DMXL1: variants seen among roughly 807,000 people sequenced by gnomAD.
DMXL1 encodes dmX-like protein 1.
DMXL1 carries 99 observed loss-of-function variants against 319.2 expected under a neutral mutation model. The ratio of observed to expected loss-of-function variants is 0.31; its 90% CI spans 0.26 to 0.37. The LOEUF is 0.37. Ranked by LOEUF, DMXL1 falls within the 10% of genes least tolerant of loss-of-function variation. DMXL1 has a pLI of 1.00. For synonymous variants in DMXL1, 1,385 were observed against 1,235.2 expected (o/e 1.12, Z -2.54); for missense variants, 3,745 against 3,595.6 (o/e 1.04, Z -1.06).
chr5:119,140,818 A>G lies in DMXL1; in HGVS notation c.2377-3023A>G, dbSNP rs574583600. Reference sequence around the variant, plus strand: ...CACACACACACAAAAAGAAAACTTTAGCCCAATATCCTCTATGAATATCAA... The same window carrying G: ...CACACACACACAAAAAGAAAACTTTGGCCCAATATCCTCTATGAATATCAA... On this transcript the variant is annotated intron_variant, in intron 13 of 43. Coordinates refer to ENST00000539542, the MANE Select transcript of DMXL1 (RefSeq NM_001290321.3). Among the ~76,000 whole-genome samples, 9 of 152,294 alleles carry G rather than the reference A, an allele frequency of 5.9e-5. No individual in the cohort carries two copies. In the South Asian group the frequency reaches 1.9e-3, roughly 32 times the overall value.
chr5:119,094,981 G>T (rs1755607382), intron 1 of DMXL1, among the ~76,000 whole-genome samples: 1 of 151,694 alleles, frequency 6.6e-6, no homozygotes, highest in Non-Finnish European at 1.5e-5. Context: ...TCAGCCTTTT[G>T]GGTAGCTGGG....
intron 19 of DMXL1, among the ~76,000 whole-genome samples, chr5:119,159,876 C>T (rs1771908782): frequency 2.0e-5 from 3 of 152,098 alleles, no homozygotes; most frequent in Non-Finnish European, 4.4e-5. Flanking sequence ...TGCCTGCCTC[C>T]GTCTTCTAAA....
In DMXL1 at chr5:119,171,797, T is replaced by C. The variant is rs1220585333; in HGVS notation, c.6509T>C (p.Phe2170Ser). Reference sequence around the variant, plus strand: ...TTTAAGGAAACATCAGAACCACTATTTTCTAGCCCTCTGTCAGAGCAAACC... The same window carrying C: ...TTTAAGGAAACATCAGAACCACTATCTTCTAGCCCTCTGTCAGAGCAAACC... ...ESQQETSEPL[F>S]SSPLSEQTSV... Residue 2170 changes from phenylalanine (F) to serine (S), a missense_variant, in exon 25 of 44, where the codon TTT (phenylalanine) becomes TCT (serine). Physicochemically the swap from Phe to Ser is radical, Grantham distance 155 (BLOSUM62 -2). Around this residue, in one of 4 missense-constraint regions of DMXL1, gnomAD observed 1,382 missense variants for 1,269.5 expected, o/e 1.09. Coordinates refer to ENST00000539542, the MANE Select transcript of DMXL1 (RefSeq NM_001290321.3). 1 of 1,611,850 alleles carries C rather than the reference T, an allele frequency of 6.2e-7. No homozygotes were observed. Among genetic ancestry groups the C allele is most frequent in the South Asian group, 1.1e-5 (1 of 90,648 alleles).
In DMXL1 at chr5:119,143,833, A is replaced by C; in HGVS notation, c.2377-8A>C. ...TTAGTAAATTATAAATTTTTTTAAA[A>C]AAAACAGAAATATGTTGGTGAAGTC... On this transcript the variant is annotated splice_region_variant and splice_polypyrimidine_tract_variant and intron_variant, in intron 13 of 43. Transcript: ENST00000539542. 1 of 1,553,688 alleles carries C rather than the reference A, an allele frequency of 6.4e-7. No homozygotes were observed. Among genetic ancestry groups the C allele is most frequent in the East Asian group, 2.3e-5 (1 of 43,174 alleles).
chr5:119,114,431 T>G (rs201965924), intron 5 of DMXL1, 44 bp from the exon 6 acceptor site: 5 of 1,399,376 alleles, frequency 3.6e-6, no homozygotes, highest in Non-Finnish European at 5.0e-6. Flanking sequence ...ACTTTTTCTT[T>G]TTAGTTTTCA....
At position 119,116,201 on chromosome 5, in the gene DMXL1, G is replaced by A. The variant is rs149368675; in HGVS notation, c.608G>A (p.Arg203Gln). ...LKVWYNVENW[R>Q]TAVTSPDGSS... ...GTTTGGTATAATGTAGAAAACTGGC[G>A]GACAGCTGTTACTTCTCCAGATGGA... is the stretch of plus-strand genomic sequence containing the variant. Residue 203 changes from arginine (R) to glutamine (Q), a missense_variant, in exon 7 of 44, where the codon CGG (arginine) becomes CAG (glutamine). Around this residue, in one of 4 missense-constraint regions of DMXL1, gnomAD observed 2,096 missense variants for 1,985.4 expected, o/e 1.06. Coordinates refer to ENST00000539542, the MANE Select transcript of DMXL1 (RefSeq NM_001290321.3). 4.0e-4 allele frequency: 644 copies of A among 1,613,336 alleles called. 3 individuals are homozygous for A. The highest frequency in any genetic ancestry group is 6.5e-4 in the African/African-American group (49 of 74,918).
Position 119,133,834 on chromosome 5 carries a change from G to A in DMXL1, c.1910G>A (p.Arg637His), listed in dbSNP as rs1214512553. 3.1e-6 allele frequency: 5 copies of A among 1,613,900 alleles called. No individual in the cohort carries two copies. Among genetic ancestry groups the A allele is most frequent in the East Asian group, 4.5e-5 (2 of 44,888 alleles). Residue 637 changes from arginine (R) to histidine (H), a missense_variant, in exon 12 of 44, where the codon CGT (arginine) becomes CAT (histidine). By Grantham distance (29) the Arg-to-His change is conservative. Around this residue, in one of 4 missense-constraint regions of DMXL1, gnomAD observed 2,096 missense variants for 1,985.4 expected, o/e 1.06. Coordinates refer to ENST00000539542, the MANE Select transcript of DMXL1 (RefSeq NM_001290321.3). ...ISHKSRYCGH[R>H]FHLNDLACHS... ...CACAAATCCAGATATTGTGGTCATC[G>A]TTTTCATCTTAATGATTTAGCTTGC...
chr5:119,247,295 C>G lies in DMXL1; in HGVS notation c.*76C>G, dbSNP rs1676135773. ...AGATATAATATACAGTGATCATTCT[C>G]TATGCCACAAATTAGCTAATGCTTT... is the stretch of plus-strand genomic sequence containing the variant. On this transcript the variant is annotated 3_prime_UTR_variant, in exon 44 of 44. Coordinates refer to ENST00000539542, the MANE Select transcript of DMXL1 (RefSeq NM_001290321.3). 2 of 988,996 alleles carry G rather than the reference C, an allele frequency of 2.0e-6. No homozygotes were observed. The highest frequency in any genetic ancestry group is 1.8e-5 in the South Asian group (1 of 54,360). 61.3% of individuals were successfully genotyped at this position (988,996 alleles called of 1,614,324 possible). A position where few individuals can be genotyped will look rare whatever the true frequency, so the allele number is the denominator to read the frequency against.
At chr5:119,115,120 C>T (rs958504796) in intron 6 of DMXL1, among the ~76,000 whole-genome samples, 1 of 152,096 alleles carries the variant, frequency 6.6e-6, no homozygotes, top group Admixed American at 6.5e-5. Flanking sequence ...TCTTATTGAG[C>T]CTTTCTTTTC....
intron 13 of DMXL1, among the ~76,000 whole-genome samples, chr5:119,142,730 T>C (rs753815350): frequency 3.3e-5 from 5 of 152,060 alleles, no homozygotes; most frequent in Non-Finnish European, 7.4e-5. Context: ...TAAGGGCACA[T>C]GCAGGCAAAT....
Position 119,073,374 on chromosome 5 carries a change from T to A in DMXL1, c.87+1718T>A, listed in dbSNP as rs571136126. 9.2e-5 allele frequency among the ~76,000 whole-genome samples: 14 copies of A among 152,314 alleles called. No individual in the cohort carries two copies. The South Asian group carries it at 2.9e-3, about 32-fold the overall frequency. ...ACCATGCCCAGCCCTAAGAATTTTT[T>A]CTAAGAAGGCATTCACAATCTATGT... On this transcript the variant is annotated intron_variant, in intron 1 of 43. Coordinates refer to ENST00000539542, the MANE Select transcript of DMXL1 (RefSeq NM_001290321.3).
chr5:119,219,856 C>A (rs376174912), intron 35 of DMXL1, among the ~76,000 whole-genome samples: 1 of 152,146 alleles, frequency 6.6e-6, no homozygotes, highest in East Asian at 1.9e-4. Context: ...ACGTGAGCCA[C>A]TGCCCCCAGC....
intron 19 of DMXL1, among the ~76,000 whole-genome samples, chr5:119,155,841 A>AAC (rs1770920528): frequency 6.6e-6 from 1 of 151,814 alleles, no homozygotes; most frequent in Admixed American, 6.6e-5. Flanking sequence ...AAAAAAAAAA[A>AAC]AAACAAAACT....
At chr5:119,218,657 A>G (rs1469759497) in intron 35 of DMXL1, among the ~76,000 whole-genome samples, 1 of 151,970 alleles carries the variant, frequency 6.6e-6, no homozygotes, top group East Asian at 1.9e-4. Flanking sequence ...GCGTTTCACC[A>G]TGTTGGTTGG....
chr5:119,185,924 A>G (rs1298242832), intron 28 of DMXL1, among the ~76,000 whole-genome samples: 1 of 152,206 alleles, frequency 6.6e-6, no homozygotes, highest in East Asian at 1.9e-4. Context: ...ATCATGTTTT[A>G]CATTTAATTT....
intron 13 of DMXL1, among the ~76,000 whole-genome samples, chr5:119,137,177 A>T (rs1018836637): frequency 6.6e-6 from 1 of 152,172 alleles, no homozygotes; most frequent in Admixed American, 6.5e-5. Flanking sequence ...GTCAAAGGAG[A>T]TTTTGGAGCT....
chr5:119,229,511 A>T (rs972426393), intron 38 of DMXL1, among the ~76,000 whole-genome samples: 4 of 152,114 alleles, frequency 2.6e-5, no homozygotes, highest in African/African-American at 7.2e-5. Flanking sequence ...CTCTTACACA[A>T]ACCCTGTATA....
intron 1 of DMXL1, among the ~76,000 whole-genome samples, chr5:119,097,149 C>G (rs1472737173): frequency 6.6e-6 from 1 of 152,074 alleles, no homozygotes; most frequent in Non-Finnish European, 1.5e-5. Flanking sequence ...CAAGAGCCAG[C>G]TGAGAGAAGG....
intron 1 of DMXL1, among the ~76,000 whole-genome samples, chr5:119,072,617 T>A (rs1749877703): frequency 6.6e-6 from 1 of 152,042 alleles, no homozygotes; most frequent in East Asian, 1.9e-4. Flanking sequence ...GGTTTAGGAG[T>A]GTTAAATTTC....
Sources: allele counts gnomAD v4.1 joint callset (sites outside exome capture counted in the v4.1 genomes callset), GRCh38; gene constraint gnomAD v4.1.1; regional missense constraint gnomAD v4.1.1; transcripts MANE v1.5; gene names NCBI Gene and HGNC (gene_info 2026-07-23, HGNC 2026-07-21).